The following CA5A variants were observed in gnomAD, a reference collection of about 807,000 sequenced individuals.
CA5A encodes the protein carbonic anhydrase 5A, mitochondrial.
Under a neutral mutation model 37.1 loss-of-function variants are expected in CA5A, and 28 were observed. The observed-to-expected ratio is 0.75, with a 90% CI of 0.56 to 1.03. The LOEUF (loss-of-function observed/expected upper bound fraction) is 1.03, where lower values mean the gene tolerates loss of function less well. Among genes scored for constraint, CA5A ranks in the 50% least tolerant of loss-of-function variants. CA5A has a pLI of 0.00. For missense variants in CA5A, 444 were observed against 399.9 expected (o/e 1.11, Z -0.94); for synonymous variants, 171 against 158.4 (o/e 1.08, Z -0.60).
chr16:87,929,936 T>A (rs2056379503), intron 1 of CA5A, among the ~76,000 whole-genome samples: 1 of 150,650 alleles, frequency 6.6e-6, no homozygotes, highest in South Asian at 2.1e-4. Context: ...TACAATACAT[T>A]TTTAAGTTAA....
intron 6 of CA5A, among the ~76,000 whole-genome samples, chr16:87,889,626 A>G (rs925948797): frequency 1.3e-5 from 2 of 152,058 alleles, no homozygotes; most frequent in Non-Finnish European, 1.5e-5. Context: ...ATACAAAATT[A>G]GCCAGGTGTG....
chr16:87,933,669 A>C (rs2056436044), intron 1 of CA5A, among the ~76,000 whole-genome samples: 1 of 152,052 alleles, frequency 6.6e-6, no homozygotes, highest in Non-Finnish European at 1.5e-5. Flanking sequence ...TACAGGTGTG[A>C]GCCCCCATGC....
intron 1 of CA5A, among the ~76,000 whole-genome samples, chr16:87,932,925 T>G (rs2056426693): frequency 6.6e-6 from 1 of 152,188 alleles, no homozygotes; most frequent in Non-Finnish European, 1.5e-5. Context: ...TTAGCAGACA[T>G]GACGTGAGCA....
At chr16:87,912,747 G>GT (rs2056069839) in intron 2 of CA5A, among the ~76,000 whole-genome samples, 1 of 152,232 alleles carries the variant, frequency 6.6e-6, no homozygotes, top group Non-Finnish European at 1.5e-5. Flanking sequence ...TGGAAGCGGC[G>GT]TTTCAGTGGA....
intron 2 of CA5A, among the ~76,000 whole-genome samples, chr16:87,912,301 C>G (rs1165520300): frequency 6.6e-6 from 1 of 152,020 alleles, no homozygotes; most frequent in Admixed American, 6.6e-5. Context: ...GACTCCATCT[C>G]AATAAATAAA....
intron 5 of CA5A, among the ~76,000 whole-genome samples, chr16:87,892,624 A>T (rs988414633): frequency 3.3e-5 from 5 of 149,954 alleles, no homozygotes; most frequent in African/African-American, 1.2e-4. Flanking sequence ...AAAAAATATT[A>T]CTTTTTATTG....
chr16:87,936,407 A>G lies in CA5A; in HGVS notation c.44T>C (p.Leu15Ser), dbSNP rs1260608048. The G allele has an allele frequency of 2.5e-6, 4 of 1,613,956 alleles. No homozygotes were observed. The highest frequency in any genetic ancestry group is 2.7e-5 in the African/African-American group (2 of 74,992). ...GAGAGGGGCCCACATCTGCTCAACC[A>G]AGAAGGAGAAAGCTGAGGTCTTCCA... ...NTWKTSAFSF[L>S]VEQMWAPLWS... Residue 15 changes from leucine (L) to serine (S), a missense_variant, in exon 1 of 7, where the codon TTG (leucine) becomes TCG (serine). Physicochemically the swap from Leu to Ser is moderately radical, Grantham distance 145. Coordinates refer to ENST00000649794, the MANE Select transcript of CA5A (RefSeq NM_001739.2).
chr16:87,886,712 AATAG>A (rs1301595036), downstream of CA5A: 2 of 152,158 alleles, frequency 1.3e-5, no homozygotes, highest in Non-Finnish European at 2.9e-5. Context: ...TCGATCAATC[AATAG>A]ATAGATCAAT....
chr16:87,926,977 G>C (rs768236356), intron 1 of CA5A, 32 bp from the exon 2 acceptor site: 6 of 1,395,624 alleles, frequency 4.3e-6, no homozygotes, highest in South Asian at 1.2e-5. Flanking sequence ...CCCTGAGTGA[G>C]GCATGAGCTT....
intron 2 of CA5A, among the ~76,000 whole-genome samples, chr16:87,919,057 C>A (rs779532113): frequency 4.6e-5 from 7 of 152,208 alleles, no homozygotes; most frequent in African/African-American, 1.7e-4. Flanking sequence ...GGAGACACAC[C>A]GGATCCTTCT....
rs2055935173 is a variant in CA5A at position 87,904,824 on chromosome 16, A to C, written c.421T>G (p.Ser141Ala). Residue 141 changes from serine (S) to alanine (A), a missense_variant, in exon 3 of 7, where the codon TCA becomes GCA. Ser to Ala is a moderately conservative substitution (Grantham distance 99, BLOSUM62 1). Transcript: ENST00000649794. ...FHWGAVNEGGSEHTVDGHAYP... is the reference protein window; with the variant it reads ...FHWGAVNEGGAEHTVDGHAYP... ...GCGTGGCCGTCCACTGTGTGCTCTG[A>C]GCCCCCCTCGTTCACTGCTCCCCAG... 1 of 1,612,966 alleles carries C rather than the reference A, an allele frequency of 6.2e-7. No individual in the cohort carries two copies. The highest frequency in any genetic ancestry group is 2.2e-5 in the East Asian group (1 of 44,890).
intron 5 of CA5A, among the ~76,000 whole-genome samples, chr16:87,899,992 G>C (rs562848800): frequency 2.9e-5 from 4 of 140,252 alleles, no homozygotes; most frequent in African/African-American, 1.1e-4. Flanking sequence ...GATGAGCCCA[G>C]AGATCAGCAT....
At chr16:87,881,708 G>C (rs183318584) in exon 5 of CA5A, 4 of 151,336 alleles carry the variant, frequency 2.6e-5, no homozygotes, top group Non-Finnish European at 5.9e-5. Context: ...GACACCGGCC[G>C]CTGCCCCTGG....
intron 2 of CA5A, among the ~76,000 whole-genome samples, chr16:87,909,845 A>G (rs577584957): frequency 6.6e-6 from 1 of 152,310 alleles, no homozygotes; most frequent in South Asian, 2.1e-4. Flanking sequence ...CTCTTCCTGT[A>G]GACAACACAG....
chr16:87,904,702 C>T (rs116928297), intron 3 of CA5A, 84 bp downstream of exon 3: 35,637 of 823,384 alleles, frequency 0.043, 930 homozygotes, highest in Middle Eastern at 0.073. Context: ...ATCTGAGCGG[C>T]GCGCATGGCT....
At chr16:87,902,703 G>C (rs1243625881) in intron 3 of CA5A, among the ~76,000 whole-genome samples, 183 bp from the exon 4 acceptor site, 1 of 150,716 alleles carries the variant, frequency 6.6e-6, no homozygotes, top group African/African-American at 2.4e-5. Flanking sequence ...TCAGGAGATC[G>C]AGACCATGCT....
At chr16:87,923,717 C>T in intron 2 of CA5A, 1 of 985,270 alleles carries the variant, frequency 1.0e-6, no homozygotes, top group South Asian at 4.7e-5. Context: ...CCAAAATAAC[C>T]TTCAAAGTTT....
chr16:87,908,821 T>G (rs2056004965), intron 2 of CA5A, among the ~76,000 whole-genome samples: 1 of 151,888 alleles, frequency 6.6e-6, no homozygotes, highest in South Asian at 2.1e-4. Flanking sequence ...TTCTTCTGCT[T>G]TTTCTTCTTT....
At chr16:87,906,278 C>T (rs150754472) in intron 2 of CA5A, among the ~76,000 whole-genome samples, 7 of 151,934 alleles carry the variant, frequency 4.6e-5, no homozygotes, top group Non-Finnish European at 7.4e-5. Context: ...GCACTGAGCG[C>T]GTGATGAATG....
Sources: gnomAD v4.1 joint callset for allele counts (sites outside exome capture counted in the v4.1 genomes callset) on GRCh38, gnomAD v4.1.1 for gene constraint, MANE v1.5 for transcripts, NCBI Gene and HGNC (gene_info 2026-07-23, HGNC 2026-07-21) for gene names.